The following PHLDB3 variants were observed in gnomAD, a reference collection of about 807,000 sequenced individuals.
PHLDB3 encodes the protein pleckstrin homology like domain family B member 3, also known as pleckstrin homology-like domain family B member 3.
In PHLDB3, 86 loss-of-function variants were observed where a neutral mutation model predicts 85.7. The observed-to-expected ratio is 1.00, with a 90% CI of 0.84 to 1.20. The LOEUF (loss-of-function observed/expected upper bound fraction) is 1.20. Among genes scored for constraint, PHLDB3 ranks in the 50% most tolerant of loss-of-function variants. PHLDB3 has a pLI of 0.00. For synonymous variants in PHLDB3, 376 were observed against 349.8 expected, an observed-to-expected ratio of 1.07 and a Z score of -0.83; for missense variants, 995 against 873.0, an observed-to-expected ratio of 1.14 and a Z score of -1.76.
intron 2 of PHLDB3, among the ~76,000 whole-genome samples, chr19:43,502,675 C>A (rs1244030710): frequency 1.4e-5 from 2 of 141,342 alleles, no homozygotes; most frequent in East Asian, 4.1e-4. Flanking sequence ...AGGCTGGTCT[C>A]AAACTCCTAG....
chr19:43,494,884 C>A, intron 8 of PHLDB3, 69 bp from the exon 9 acceptor site: 1 of 1,201,586 alleles, frequency 8.3e-7, no homozygotes, highest in South Asian at 1.4e-5. Flanking sequence ...TTTCCACGTG[C>A]TCTGGCCCAT....
chr19:43,498,305 C>T (rs545097422), intron 4 of PHLDB3, among the ~76,000 whole-genome samples: 1 of 151,674 alleles, frequency 6.6e-6, no homozygotes, highest in East Asian at 1.9e-4. Context: ...CATCACTGTT[C>T]CAGTCTGGGT....
chr19:43,495,616 C>A lies in PHLDB3; in HGVS notation c.830G>T (p.Gly277Val). The change falls in exon 7 of 16, where the codon GGT becomes GTT. Residue 277 changes from glycine (G) to valine (V), a missense_variant. Transcript: ENST00000292140. ...GACCCGGATCCGGTGCTGCAGAGCA[C>A]CCCTCTGTCCCGGTTACTCATCTGT... Reference protein sequence around the residue: ...LQASMAQHRRGALQHRIRVLE... With the variant: ...LQASMAQHRRVALQHRIRVLE... The A allele has an allele frequency of 1.2e-6, 2 of 1,607,644 alleles. No individual in the cohort carries two copies. The highest frequency in any genetic ancestry group is 8.5e-7 in the Non-Finnish European group (1 of 1,177,296).
At position 43,500,922 on chromosome 19, in the gene PHLDB3, C is replaced by G. The variant is rs1156482206; in HGVS notation, c.534+812G>C. Among the ~76,000 whole-genome samples the G allele has an allele frequency of 1.3e-4, 15 of 118,748 alleles. 2 individuals are homozygous for G. In the South Asian group the frequency reaches 4.0e-3, roughly 32 times the overall value. The allele number at this position is 118,748 out of a possible 152,430, so 77.9% of individuals were successfully genotyped here. ...CCCGCCCCCCGTACCCCCCCCCCAC[C>G]CCGCAAGTACTGGGATTACAGGTGT... On this transcript the variant is annotated intron_variant, in intron 4 of 15. Coordinates refer to ENST00000292140, the MANE Select transcript of PHLDB3 (RefSeq NM_198850.4).
Position 43,498,974 on chromosome 19 carries a change from C to T in PHLDB3, c.535-1098G>A, listed in dbSNP as rs536114829. ...TGGGAAGGCCAGCTCGTCCAGCTCA[C>T]GGGGGGTTTGGTCAACCTGGGGATA... On this transcript the variant is annotated intron_variant, in intron 4 of 15. Coordinates refer to ENST00000292140, the MANE Select transcript of PHLDB3 (RefSeq NM_198850.4). Among the ~76,000 whole-genome samples the T allele has an allele frequency of 1.8e-4, 28 of 152,002 alleles. No homozygotes were observed. The South Asian group carries it at 5.4e-3, about 29-fold the overall frequency.
At chr19:43,486,420 G>C in intron 12 of PHLDB3, 98 bp from the exon 13 acceptor site, 1 of 1,341,804 alleles carries the variant, frequency 7.5e-7, no homozygotes, top group Non-Finnish European at 1.0e-6. Context: ...AGGGTACAGG[G>C]ACTGGGGGCC....
At position 43,486,469 on chromosome 19, in the gene PHLDB3, G is replaced by A; in HGVS notation, c.1428+140C>T. ...ATGAGGGAGGATGGGCTGGGGGCCT[G>A]GACTCCTGGGTCTGAGGGTGGAGGG... On this transcript the variant is annotated intron_variant, in intron 12 of 15. Coordinates refer to ENST00000292140, the MANE Select transcript of PHLDB3 (RefSeq NM_198850.4). 3 of 1,263,292 alleles carry A rather than the reference G, an allele frequency of 2.4e-6. No individual in the cohort carries two copies. The South Asian group carries it at 4.4e-5, about 18-fold the overall frequency. 78.3% of individuals were successfully genotyped at this position (1,263,292 alleles called of 1,614,324 possible). A position where few individuals can be genotyped will look rare whatever the true frequency, so the allele number is the denominator to read the frequency against.
In PHLDB3 at chr19:43,497,280, C is replaced by CTAT. The variant is rs1267534767; in HGVS notation, c.664-4_664-2dup. 1 of 1,438,922 alleles carries CTAT rather than the reference C, an allele frequency of 6.9e-7. No homozygotes were observed. Among genetic ancestry groups the CTAT allele is most frequent in the Non-Finnish European group, 9.1e-7 (1 of 1,093,126 alleles). 89.1% of individuals were successfully genotyped at this position (1,438,922 alleles called of 1,614,324 possible). On this transcript the variant is annotated splice_acceptor_variant, in intron 5 of 15. Coordinates refer to ENST00000292140, the MANE Select transcript of PHLDB3 (RefSeq NM_198850.4). LOFTEE classifies it high-confidence loss of function. ...GGGCCACATCCAGTTGTTCCCTCAT[C>CTAT]TATAGGTCGGAACACAAAAAGGGTG...
In PHLDB3 at chr19:43,479,577, G is replaced by A; in HGVS notation, c.1502C>T (p.Pro501Leu). 6.7e-7 allele frequency: 1 copy of A among 1,496,850 alleles called. No individual in the cohort carries two copies. The highest frequency in any genetic ancestry group is 9.1e-7 in the Non-Finnish European group (1 of 1,100,480). The allele number at this position is 1,496,850 out of a possible 1,614,324, so 92.7% of individuals were successfully genotyped here. ...VPAITAPPTP[P>L]HPPGPRILDL... ...CAAGATTCGCGGGCCTGGAGGGTGG[G>A]GTGGGGTGGGTGGGGCCTGGGGAGC... The change falls in exon 14 of 16, where the codon CCC becomes CTC. Residue 501 changes from proline to leucine, a missense_variant. Physicochemically the swap from Pro to Leu is moderately conservative, Grantham distance 98 (BLOSUM62 -3). Coordinates refer to ENST00000292140, the MANE Select transcript of PHLDB3 (RefSeq NM_198850.4).
At chr19:43,482,528 T>C (rs1233936706) in intron 13 of PHLDB3, among the ~76,000 whole-genome samples, 1 of 151,690 alleles carries the variant, frequency 6.6e-6, no homozygotes, top group Non-Finnish European at 1.5e-5. Flanking sequence ...GCAGGAGCAA[T>C]TCTGTTTGTT....
At chr19:43,498,245 G>A (rs1304611961) in intron 4 of PHLDB3, among the ~76,000 whole-genome samples, 1 of 152,130 alleles carries the variant, frequency 6.6e-6, no homozygotes, top group Non-Finnish European at 1.5e-5. Flanking sequence ...AGGCTGAGGT[G>A]GGAGGATTGC....
At chr19:43,491,632 A>C (rs962367083) in intron 9 of PHLDB3, among the ~76,000 whole-genome samples, 1 of 147,272 alleles carries the variant, frequency 6.8e-6, no homozygotes, top group African/African-American at 2.5e-5. Context: ...CTCCCGAGTA[A>C]CTGGGATTAT....
In PHLDB3 at chr19:43,475,301, C is replaced by G. The variant is rs1376064726; in HGVS notation, c.*109G>C. On this transcript the variant is annotated 3_prime_UTR_variant, in exon 16 of 16. Coordinates refer to ENST00000292140, the MANE Select transcript of PHLDB3 (RefSeq NM_198850.4). Reference sequence around the variant, plus strand: ...CGCCTGCGGAATTCCCGGGAGAGTTCCAAAGCGGTGCGTCCAAGTTTTCCG... The same window carrying G: ...CGCCTGCGGAATTCCCGGGAGAGTTGCAAAGCGGTGCGTCCAAGTTTTCCG... The G allele has an allele frequency of 7.0e-7, 1 of 1,433,546 alleles. No individual in the cohort carries two copies. The highest frequency in any genetic ancestry group is 1.4e-5 in the African/African-American group (1 of 70,110). The allele number at this position is 1,433,546 out of a possible 1,614,324, so 88.8% of individuals were successfully genotyped here. A position where few individuals can be genotyped will look rare whatever the true frequency, so the allele number is the denominator to read the frequency against.
intron 9 of PHLDB3, among the ~76,000 whole-genome samples, chr19:43,487,965 C>T (rs1487359094): frequency 6.6e-6 from 1 of 151,686 alleles, no homozygotes; most frequent in East Asian, 1.9e-4. Flanking sequence ...ACCAGCCAGG[C>T]CAACATGGTG....
chr19:43,502,025 G>C, intron 3 of PHLDB3, 76 bp downstream of exon 3: 2 of 1,514,940 alleles, frequency 1.3e-6, no homozygotes, highest in Non-Finnish European at 1.8e-6. Flanking sequence ...TCCCACCCGA[G>C]GAAAAAGCTG....
chr19:43,487,123 C>T lies in PHLDB3; in HGVS notation c.1150G>A (p.Gly384Ser). 3 of 1,557,068 alleles carry T rather than the reference C, an allele frequency of 1.9e-6. 1 individual carries two copies. Among genetic ancestry groups the T allele is most frequent in the African/African-American group, 2.7e-5 (2 of 73,516 alleles). Residue 384 changes from glycine (G) to serine (S), a missense_variant and splice_region_variant, in exon 10 of 16, where the codon GGC becomes AGC. Physicochemically the swap from Gly to Ser is moderately conservative, Grantham distance 56. Coordinates refer to ENST00000292140, the MANE Select transcript of PHLDB3 (RefSeq NM_198850.4). ...CLFSVHSSLQ[G>S]SIGLQRTGSL... ...CCAGTCCTCTGGAGGCCAATGGAGC[C>T]CTGAAAACACAAAAGGCTCATGAGC...
At chr19:43,495,403 A>G (rs1971430344) in intron 7 of PHLDB3, 64 bp from the exon 8 acceptor site, 1 of 1,598,712 alleles carries the variant, frequency 6.3e-7, no homozygotes. Context: ...TGCTTTCCCT[A>G]ATGTCAGGAG....
Position 43,475,338 on chromosome 19 carries a change from G to C in PHLDB3, c.*72C>G. ...GTCCAAGTTTTCCGGCAGTGGGCGG[G>C]GCCTAGGAACGCCCCCGCGCCCCGC... On this transcript the variant is annotated 3_prime_UTR_variant, in exon 16 of 16. Transcript: ENST00000292140. The C allele has an allele frequency of 6.4e-7, 1 of 1,567,892 alleles. No individual in the cohort carries two copies. Among genetic ancestry groups the C allele is most frequent in the South Asian group, 1.2e-5 (1 of 86,886 alleles).
At chr19:43,496,839 G>A in intron 6 of PHLDB3, 1 of 418,800 alleles carries the variant, frequency 2.4e-6, no homozygotes. Flanking sequence ...GATTACTTAA[G>A]CACCTTGACC....
Sources: gnomAD v4.1 joint callset for allele counts (sites outside exome capture counted in the v4.1 genomes callset) on GRCh38, gnomAD v4.1.1 for gene constraint, MANE v1.5 for transcripts, NCBI Gene and HGNC (gene_info 2026-07-23, HGNC 2026-07-21) for gene names.